The following DIP2C variants were observed in gnomAD, a reference collection of about 807,000 sequenced individuals.
The protein encoded by DIP2C is disco-interacting protein 2 homolog C.
DIP2C carries 33 observed loss-of-function variants against 192.4 expected under a neutral mutation model. That is an observed-to-expected ratio of 0.17 (90% confidence interval 0.13 to 0.23). The LOEUF is 0.23. Among genes scored for constraint, DIP2C ranks in the 10% least tolerant of loss-of-function variants. DIP2C has a pLI of 1.00. For missense variants in DIP2C, 1,537 were observed against 2,110.1 expected, an observed-to-expected ratio of 0.73 and a Z score of 5.32; for synonymous variants, 979 against 864.1, an observed-to-expected ratio of 1.13 and a Z score of -2.33.
chr10:552,436 C>T (rs1248782711), intron 1 of DIP2C, among the ~76,000 whole-genome samples: 1 of 152,102 alleles, frequency 6.6e-6, no homozygotes. Context: ...AGGGAAATTT[C>T]TTCCTTATTA....
chr10:685,893 G>A (rs569395054), intron 1 of DIP2C, among the ~76,000 whole-genome samples: 15 of 152,162 alleles, frequency 9.9e-5, no homozygotes, highest in African/African-American at 2.7e-4. Flanking sequence ...CTCAGGAGGC[G>A]GAGGTTGCAG....
rs566867040 is a variant in DIP2C, at chr10:506,393, G to A, written c.86-19863C>T. On this transcript the variant is annotated intron_variant, in intron 1 of 36. Coordinates refer to ENST00000280886, the MANE Select transcript of DIP2C (RefSeq NM_014974.3). ...GCAAGGGGGATCAGCCCAAGGCCTG[G>A]GGAGAGGCAGTTGGGAAATCTCAGT... 7.9e-5 allele frequency among the ~76,000 whole-genome samples: 12 copies of A among 152,256 alleles called. No individual in the cohort carries two copies. The South Asian group carries it at 2.5e-3, about 32-fold the overall frequency.
Position 457,558 on chromosome 10 carries a change from CT to C in DIP2C, c.268+14880del, listed in dbSNP as rs200740677. ...GAGGCACAGATAGCAAGATTAAATT[CT>C]TTTTTTTCTTTTTAGAGGCAGGGTC... On this transcript the variant is annotated intron_variant, in intron 3 of 36. Transcript: ENST00000280886. 4.0e-3 allele frequency among the ~76,000 whole-genome samples: 614 copies of C among 152,126 alleles called. 8 individuals are homozygous for C. Among genetic ancestry groups the C allele is most frequent in the African/African-American group, 0.013 (527 of 41,498 alleles).
intron 26 of DIP2C, among the ~76,000 whole-genome samples, chr10:345,342 C>G (rs1564589570): frequency 8.5e-6 from 1 of 117,360 alleles, no homozygotes; most frequent in South Asian, 3.5e-4. Flanking sequence ...TTCCTGGGCC[C>G]AGTGCATCCA....
intron 10 of DIP2C, among the ~76,000 whole-genome samples, chr10:393,423 A>G (rs911519703): frequency 6.6e-6 from 1 of 152,186 alleles, no homozygotes; most frequent in Non-Finnish European, 1.5e-5. Context: ...TGGCACCCAA[A>G]TGGCCAACAG....
chr10:501,632 C>T (rs963422217), intron 1 of DIP2C, among the ~76,000 whole-genome samples: 11 of 151,920 alleles, frequency 7.2e-5, no homozygotes, highest in Admixed American at 2.6e-4. Flanking sequence ...AGAATATGAT[C>T]GTATTACAAG....
intron 34 of DIP2C, 70 bp from the exon 35 acceptor site, chr10:283,516 T>G: frequency 6.4e-7 from 1 of 1,558,890 alleles, no homozygotes; most frequent in Non-Finnish European, 8.8e-7. Context: ...CTACAACTAC[T>G]TTGACAATTC....
intron 9 of DIP2C, among the ~76,000 whole-genome samples, chr10:407,496 G>A (rs1359763420): frequency 6.6e-6 from 1 of 152,174 alleles, no homozygotes; most frequent in Admixed American, 6.5e-5. Context: ...TTAATTCTTT[G>A]AGGGACTGTC....
chr10:539,261 CTA>C (rs1210265381), intron 1 of DIP2C, among the ~76,000 whole-genome samples: 1 of 152,202 alleles, frequency 6.6e-6, no homozygotes, highest in Non-Finnish European at 1.5e-5. Flanking sequence ...AGTTTGTACT[CTA>C]TCCTGGGGTT....
rs76668623 is a variant in DIP2C, at chr10:585,371, T to C, written c.86-98841A>G. The stretch of plus-strand genomic sequence containing the variant: ...CTGAATTCGCTCAGAAGACGGGTGT[T>C]CCCAAACACACACAGCCCTGAGTAT... On this transcript the variant is annotated intron_variant, in intron 1 of 36. Transcript: ENST00000280886. 9.2e-3 allele frequency among the ~76,000 whole-genome samples: 1,407 copies of C among 152,302 alleles called. 28 individuals are homozygous for C. Among genetic ancestry groups the C allele is most frequent in the African/African-American group, 0.032 (1,348 of 41,566 alleles).
intron 1 of DIP2C, among the ~76,000 whole-genome samples, chr10:644,331 A>C (rs565571199): frequency 2.9e-4 from 44 of 152,350 alleles, no homozygotes; most frequent in African/African-American, 1.0e-3. Flanking sequence ...CCTGACAGCA[A>C]CTCTGTTTAG....
chr10:553,846 A>G (rs1848706159), intron 1 of DIP2C, among the ~76,000 whole-genome samples: 1 of 152,174 alleles, frequency 6.6e-6, no homozygotes, highest in African/African-American at 2.4e-5. Flanking sequence ...ATAGGAAAAA[A>G]CGTATACGCT....
intron 3 of DIP2C, among the ~76,000 whole-genome samples, chr10:468,335 G>T (rs1970385388): frequency 6.6e-6 from 1 of 152,092 alleles, no homozygotes; most frequent in East Asian, 1.9e-4. Flanking sequence ...TTTCCTGAAG[G>T]GTGGCTGCCA....
At chr10:280,527 G>A (rs1004815001) in intron 36 of DIP2C, among the ~76,000 whole-genome samples, 8 of 152,156 alleles carry the variant, frequency 5.3e-5, no homozygotes, top group African/African-American at 1.2e-4. Context: ...CTTAACTTAC[G>A]GCACTCCAGC....
chr10:638,106 G>A lies in DIP2C; in HGVS notation c.85+51388C>T, dbSNP rs570533833. On this transcript the variant is annotated intron_variant, in intron 1 of 36. Transcript: ENST00000280886. ...GTGCCTCGGGCAATGCACAGGTAAC[G>A]TCAGCTGGGCACCGAGTCTGAGAAC... Among the ~76,000 whole-genome samples, 13 of 152,164 alleles carry A rather than the reference G, an allele frequency of 8.5e-5. No individual in the cohort carries two copies. In the Middle Eastern group the frequency reaches 0.01, roughly 119 times the overall value.
chr10:545,186 T>TTTTTTTTTTTTTTTTG, intron 1 of DIP2C, among the ~76,000 whole-genome samples: 1 of 147,560 alleles, frequency 6.8e-6, no homozygotes, highest in African/African-American at 2.5e-5. Context: ...TTTTTTTTTT[T>TTTTTTTTTTTTTTTTG]TTTGAGTTTC....
intron 19 of DIP2C, chr10:365,114 A>G (rs1184509528): frequency 2.3e-6 from 1 of 440,326 alleles, no homozygotes; most frequent in East Asian, 6.4e-5. Context: ...AGAGAAACGG[A>G]GATGGAGTTT....
chr10:612,137 C>G (rs111939288), intron 1 of DIP2C, among the ~76,000 whole-genome samples: 1 of 151,852 alleles, frequency 6.6e-6, no homozygotes, highest in Non-Finnish European at 1.5e-5. Flanking sequence ...TCTACTAATA[C>G]GAAAAATGAG....
At chr10:590,302 G>C (rs926802095) in intron 1 of DIP2C, among the ~76,000 whole-genome samples, 1 of 152,294 alleles carries the variant, frequency 6.6e-6, no homozygotes, top group East Asian at 1.9e-4. Context: ...CAGCACCTTC[G>C]AGTCAAGTGG....
Sources: gnomAD v4.1 joint callset for allele counts (sites outside exome capture counted in the v4.1 genomes callset) on GRCh38, gnomAD v4.1.1 for gene constraint, MANE v1.5 for transcripts, NCBI Gene and HGNC (gene_info 2026-07-23, HGNC 2026-07-21) for gene names.